The following RUNDC3B variants were observed in gnomAD, a reference collection of about 807,000 sequenced individuals.
The protein encoded by RUNDC3B is RUN domain-containing protein 3B.
Under a neutral mutation model 58.4 loss-of-function variants are expected in RUNDC3B, and 33 were observed. The observed-to-expected ratio is 0.56, with a 90% CI of 0.43 to 0.75. The LOEUF (loss-of-function observed/expected upper bound fraction) is 0.75, where lower values mean the gene tolerates loss of function less well. Among genes scored for constraint, RUNDC3B ranks in the 30% least tolerant of loss-of-function variants. The probability of loss-of-function intolerance (pLI) is 0.00; values close to 1 mark genes in which losing one functional copy is unlikely to be tolerated. For synonymous variants in RUNDC3B, 193 were observed against 195.2 expected, an observed-to-expected ratio of 0.99 and a Z score of 0.10; for missense variants, 501 against 535.7, an observed-to-expected ratio of 0.94 and a Z score of 0.64.
chr7:87,701,580 G>A (rs1010966716), intron 3 of RUNDC3B, among the ~76,000 whole-genome samples: 3 of 152,138 alleles, frequency 2.0e-5, no homozygotes, highest in African/African-American at 4.8e-5. Context: ...GTGCAAGGTA[G>A]GTCAGTAGAT....
chr7:87,721,000 TG>T (rs1419727810), intron 4 of RUNDC3B, among the ~76,000 whole-genome samples: 1 of 40,750 alleles, frequency 2.5e-5, no homozygotes, highest in Non-Finnish European at 5.2e-5. Context: ...TCCAATTAAA[TG>T]TATAATTTAA....
At chr7:87,726,170 C>G (rs1477813489) in intron 4 of RUNDC3B, among the ~76,000 whole-genome samples, 1 of 152,178 alleles carries the variant, frequency 6.6e-6, no homozygotes. Context: ...CTTGCCCATG[C>G]CTATGTCCTG....
At chr7:87,639,862 T>G (rs1413970933) in intron 1 of RUNDC3B, among the ~76,000 whole-genome samples, 1 of 151,954 alleles carries the variant, frequency 6.6e-6, no homozygotes, top group Non-Finnish European at 1.5e-5. Flanking sequence ...CTTTTAATTA[T>G]TTAGCCCATT....
At chr7:87,693,964 CTA>C in intron 2 of RUNDC3B, 4 of 1,611,554 alleles carry the variant, frequency 2.5e-6, no homozygotes, top group Non-Finnish European at 3.4e-6. Flanking sequence ...TCAAGGTACT[CTA>C]TGCTGGTGAT....
intron 9 of RUNDC3B, among the ~76,000 whole-genome samples, chr7:87,815,263 A>G (rs1157215890): frequency 2.0e-5 from 3 of 152,140 alleles, no homozygotes; most frequent in Admixed American, 2.0e-4. Context: ...GTGCATTCCT[A>G]TAAAAATTAT....
chr7:87,817,637 C>T (rs559229043), intron 10 of RUNDC3B, among the ~76,000 whole-genome samples: 1 of 152,276 alleles, frequency 6.6e-6, no homozygotes, highest in Admixed American at 6.5e-5. Flanking sequence ...TTTCAAATGT[C>T]ATCTTTCTAA....
At chr7:87,739,184 A>T (rs960060711) in intron 4 of RUNDC3B, among the ~76,000 whole-genome samples, 1 of 152,104 alleles carries the variant, frequency 6.6e-6, no homozygotes, top group East Asian at 1.9e-4. Flanking sequence ...ACAAAGATAC[A>T]TTCACATTCC....
chr7:87,749,857 T>G (rs1417485380), intron 6 of RUNDC3B, among the ~76,000 whole-genome samples: 2 of 145,794 alleles, frequency 1.4e-5, no homozygotes, highest in South Asian at 2.1e-4. Flanking sequence ...AGTATTTTCT[T>G]TCTTTTTTTT....
At chr7:87,755,202 T>G (rs557801799) in intron 6 of RUNDC3B, among the ~76,000 whole-genome samples, 134 of 152,078 alleles carry the variant, frequency 8.8e-4, no homozygotes, top group African/African-American at 3.2e-3. Flanking sequence ...TTTGTATTAT[T>G]AGTAGATATG....
intron 1 of RUNDC3B, among the ~76,000 whole-genome samples, chr7:87,634,421 A>G (rs898915069): frequency 6.9e-5 from 10 of 145,552 alleles, no homozygotes; most frequent in Middle Eastern, 3.3e-3. Context: ...CAAGAGTTCG[A>G]GACCAGCCTG....
intron 4 of RUNDC3B, among the ~76,000 whole-genome samples, chr7:87,718,696 A>G (rs1453519825): frequency 6.6e-6 from 1 of 152,198 alleles, no homozygotes; most frequent in African/African-American, 2.4e-5. Flanking sequence ...AAAATTGTTA[A>G]TTGATGTTTA....
intron 4 of RUNDC3B, among the ~76,000 whole-genome samples, chr7:87,719,063 CAT>C (rs1220777825): frequency 6.6e-6 from 1 of 151,912 alleles, no homozygotes; most frequent in Non-Finnish European, 1.5e-5. Flanking sequence ...ACACATGTAA[CAT>C]AGTTACACAG....
intron 2 of RUNDC3B, among the ~76,000 whole-genome samples, chr7:87,657,297 A>G (rs1824206223): frequency 1.3e-5 from 2 of 152,286 alleles, no homozygotes; most frequent in African/African-American, 2.4e-5. Context: ...AACAACAACA[A>G]TGAAAACCTC....
At chr7:87,789,569 A>G (rs891216910) in intron 8 of RUNDC3B, among the ~76,000 whole-genome samples, 8 of 152,200 alleles carry the variant, frequency 5.3e-5, no homozygotes, top group African/African-American at 1.9e-4. Flanking sequence ...TCATGTATAC[A>G]TTTTGGCAGG....
At chr7:87,791,617 G>A (rs1328229528) in intron 8 of RUNDC3B, among the ~76,000 whole-genome samples, 4 of 152,006 alleles carry the variant, frequency 2.6e-5, no homozygotes, top group Non-Finnish European at 4.4e-5. Context: ...GCTTGTGTGT[G>A]TGTGTGTTTA....
chr7:87,824,512 G>A (rs1837689659), intron 10 of RUNDC3B, among the ~76,000 whole-genome samples: 4 of 152,160 alleles, frequency 2.6e-5, no homozygotes. Context: ...TATCAGCAGT[G>A]TGAAAGTGGA....
At chr7:87,768,160 G>A (rs921116926) in intron 6 of RUNDC3B, among the ~76,000 whole-genome samples, 3 of 152,134 alleles carry the variant, frequency 2.0e-5, no homozygotes, top group African/African-American at 7.2e-5. Context: ...AAAAGCCTTC[G>A]CTGCATCTGC....
intron 8 of RUNDC3B, among the ~76,000 whole-genome samples, chr7:87,781,323 TA>T (rs1214960017): frequency 6.6e-6 from 1 of 151,908 alleles, no homozygotes; most frequent in Non-Finnish European, 1.5e-5. Context: ...AACTGATTTT[TA>T]TGCATTGATT....
intron 9 of RUNDC3B, among the ~76,000 whole-genome samples, chr7:87,809,055 C>A (rs1180685328): frequency 6.6e-6 from 1 of 152,026 alleles, no homozygotes; most frequent in African/African-American, 2.4e-5. Context: ...TATTGAGGAG[C>A]CAGTAAGAAG....
Sources: allele counts gnomAD v4.1 joint callset (sites outside exome capture counted in the v4.1 genomes callset), GRCh38; gene constraint gnomAD v4.1.1; transcripts MANE v1.5; gene names NCBI Gene and HGNC (gene_info 2026-07-23, HGNC 2026-07-21).